Variants in WRNIP1 observed in about 807,000 individuals in gnomAD.
WRNIP1 encodes WRN helicase interacting protein 1.
In WRNIP1, 41 loss-of-function variants were observed where a neutral mutation model predicts 56.1. That is an observed-to-expected ratio of 0.73 (90% confidence interval 0.57 to 0.95). The LOEUF (loss-of-function observed/expected upper bound fraction) is 0.95. WRNIP1 is among the 40% of genes least tolerant of loss of function. The pLI, the probability that WRNIP1 is intolerant of heterozygous loss-of-function variation, is 0.00. For synonymous variants in WRNIP1, 547 were observed against 398.1 expected (o/e 1.37, Z -4.45); for missense variants, 1,170 against 939.4 (o/e 1.25, Z -3.21).
At chr6:2,784,952 C>G in intron 6 of WRNIP1, 55 bp from the exon 7 acceptor site, 1 of 1,597,972 alleles carries the variant, frequency 6.3e-7, no homozygotes, top group Non-Finnish European at 8.5e-7. Flanking sequence ...AGGGGCTCTG[C>G]AGAACAGAAG....
chr6:2,783,087 C>G (rs1352151161), intron 4 of WRNIP1, among the ~76,000 whole-genome samples: 1 of 148,308 alleles, frequency 6.7e-6, no homozygotes, highest in African/African-American at 2.5e-5. Flanking sequence ...TCGTCCCCCT[C>G]CACTCTTGTC....
rs909562416 is a variant in WRNIP1 at position 2,766,147 on chromosome 6, C to T, written c.525C>T (p.Asp175=). ...AGGCCGTGGGCGACGGCGATGGCGA[C>T]GGGGACGCGGACGCGGACGGCGAGG... ...EEEAVGDGDG[D]GDADADGEDD... Residue 175 remains aspartate, a synonymous_variant, in exon 1 of 7, where the codon GAC becomes GAT. Transcript: ENST00000380773. 2.3e-6 allele frequency: 3 copies of T among 1,327,054 alleles called. No individual in the cohort carries two copies. Among genetic ancestry groups the T allele is most frequent in the East Asian group, 3.1e-5 (1 of 32,432 alleles). 82.2% of individuals were successfully genotyped at this position (1,327,054 alleles called of 1,614,324 possible).
intron 3 of WRNIP1, among the ~76,000 whole-genome samples, chr6:2,776,859 C>T (rs774746572): frequency 2.6e-5 from 4 of 152,256 alleles, no homozygotes; most frequent in South Asian, 2.1e-4. Flanking sequence ...AAAATACTAA[C>T]GTCAAGGTAG....
Position 2,765,402 on chromosome 6 carries a change from G to A in WRNIP1, c.-221G>A. The A allele has an allele frequency of 2.4e-6, 1 of 419,558 alleles. No individual in the cohort carries two copies. The highest frequency in any genetic ancestry group is 3.8e-6 in the Non-Finnish European group (1 of 266,070). 26.0% of individuals were successfully genotyped at this position (419,558 alleles called of 1,614,324 possible). The stretch of plus-strand genomic sequence containing the variant: ...CAAACGGCCACGAACTACACTTCCC[G>A]ACACGCCGCGTGAGGCGCTGCCAGC... On this transcript the variant is annotated 5_prime_UTR_variant, in exon 1 of 7. Transcript: ENST00000380773.
chr6:2,779,531 A>G, intron 4 of WRNIP1, 39 bp downstream of exon 4: 8 of 1,580,840 alleles, frequency 5.1e-6, no homozygotes, highest in South Asian at 1.1e-5. Flanking sequence ...AACCATACGG[A>G]AAGAAGTGTG....
chr6:2,781,761 GTATC>G (rs1765566342), intron 4 of WRNIP1, among the ~76,000 whole-genome samples: 1 of 152,254 alleles, frequency 6.6e-6, no homozygotes, highest in Admixed American at 6.5e-5. Flanking sequence ...AATAATACTA[GTATC>G]TATCACTGAT....
At chr6:2,770,751 CTT>C (rs1477708699) in intron 3 of WRNIP1, among the ~76,000 whole-genome samples, 1 of 151,870 alleles carries the variant, frequency 6.6e-6, no homozygotes, top group African/African-American at 2.4e-5. Flanking sequence ...CCATACAACT[CTT>C]TTGAGCATTG....
rs371670331 is a variant in WRNIP1 at position 2,778,003 on chromosome 6, T to TA, written c.1257-1259dup. Among the ~76,000 whole-genome samples, 49 of 152,238 alleles carry TA rather than the reference T, an allele frequency of 3.2e-4. 1 individual carries two copies. The highest frequency in any genetic ancestry group is 1.1e-3 in the African/African-American group (45 of 41,526). On this transcript the variant is annotated intron_variant, in intron 3 of 6. Transcript: ENST00000380773. Reference sequence around the variant, plus strand: ...ATAACTGGAAATCAACTTTGGTAAATATGGGGGTGAGATGAGGCATCTTTA... The same window carrying TA: ...ATAACTGGAAATCAACTTTGGTAAATAATGGGGGTGAGATGAGGCATCTTTA...
chr6:2,782,733 A>G (rs767702194), intron 4 of WRNIP1, among the ~76,000 whole-genome samples: 9 of 152,114 alleles, frequency 5.9e-5, no homozygotes, highest in Non-Finnish European at 1.2e-4. Context: ...TTTAAAGCAC[A>G]TTTCACTGAT....
intron 3 of WRNIP1, among the ~76,000 whole-genome samples, chr6:2,772,085 T>C (rs1765302972): frequency 6.6e-6 from 1 of 152,216 alleles, no homozygotes; most frequent in Non-Finnish European, 1.5e-5. Flanking sequence ...GTCACTGCCG[T>C]GCAGGAATTT....
intron 3 of WRNIP1, among the ~76,000 whole-genome samples, chr6:2,770,657 A>G (rs565917706): frequency 2.0e-5 from 3 of 152,234 alleles, no homozygotes; most frequent in Non-Finnish European, 2.9e-5. Context: ...TTAGGCTTCT[A>G]TGGGAAGCCT....
intron 1 of WRNIP1, among the ~76,000 whole-genome samples, chr6:2,768,321 G>A (rs1474703777): frequency 6.6e-5 from 10 of 152,174 alleles, no homozygotes; most frequent in Non-Finnish European, 1.3e-4. Flanking sequence ...CTCGGCTAGA[G>A]GAGGGAGAAT....
chr6:2,766,236 G>A lies in WRNIP1; in HGVS notation c.614G>A (p.Gly205Glu), dbSNP rs770612661. ...GCCACCGCCTTCGGGGCCAGTGGCG[G>A]GGGCCGCCCGCACCCCCGGGCGCTG... ...EAATAFGASG[G>E]GRPHPRALAA... The change falls in exon 1 of 7, where the codon GGG becomes GAG. Residue 205 changes from glycine (G) to glutamate (E), a missense_variant. Transcript: ENST00000380773. The A allele has an allele frequency of 1.3e-5, 19 of 1,473,786 alleles. No homozygotes were observed. The South Asian group carries it at 2.2e-4, about 17-fold the overall frequency. 91.3% of individuals were successfully genotyped at this position (1,473,786 alleles called of 1,614,324 possible).
At chr6:2,770,896 TAAAGG>T (rs1038103513) in intron 3 of WRNIP1, among the ~76,000 whole-genome samples, 4 of 152,198 alleles carry the variant, frequency 2.6e-5, no homozygotes, top group Non-Finnish European at 5.9e-5. Flanking sequence ...TTCATGAAAG[TAAAGG>T]AATGTTAACT....
Position 2,784,419 on chromosome 6 carries a change from C to G in WRNIP1, c.1722+16C>G. On this transcript the variant is annotated intron_variant, in intron 6 of 6. Coordinates refer to ENST00000380773, the MANE Select transcript of WRNIP1 (RefSeq NM_020135.3). Reference sequence around the variant, plus strand: ...TGAATGTGAGGTAAAGTAATCAGCTCATTTCTTGCAAATCACTTCTTTTCT... The same window carrying G: ...TGAATGTGAGGTAAAGTAATCAGCTGATTTCTTGCAAATCACTTCTTTTCT... The G allele has an allele frequency of 6.2e-7, 1 of 1,612,704 alleles. No individual in the cohort carries two copies. The highest frequency in any genetic ancestry group is 2.2e-5 in the East Asian group (1 of 44,850).
At chr6:2,783,157 C>G (rs189496315) in intron 4 of WRNIP1, among the ~76,000 whole-genome samples, 5 of 152,174 alleles carry the variant, frequency 3.3e-5, no homozygotes, top group Non-Finnish European at 4.4e-5. Context: ...TGTGCGTGTG[C>G]GTGCACTCCA....
intron 2 of WRNIP1, among the ~76,000 whole-genome samples, chr6:2,769,589 C>G (rs1302800172): frequency 1.3e-5 from 2 of 151,870 alleles, no homozygotes; most frequent in East Asian, 1.9e-4. Flanking sequence ...AATAAAAAGA[C>G]CCTTTTAAAG....
rs1235725774 is a variant in WRNIP1 at position 2,785,471 on chromosome 6, A to G, written c.*189A>G. 5 of 641,176 alleles carry G rather than the reference A, an allele frequency of 7.8e-6. No individual in the cohort carries two copies. Among genetic ancestry groups the G allele is most frequent in the South Asian group, 4.0e-5 (2 of 49,748 alleles). The allele number at this position is 641,176 out of a possible 1,614,324, so 39.7% of individuals were successfully genotyped here. The stretch of plus-strand genomic sequence containing the variant: ...AATGTGTAACTTTGAAATTGTGTTC[A>G]TTTGCACTCGGTGCAGCGGTTATGC... On this transcript the variant is annotated 3_prime_UTR_variant, in exon 7 of 7. Coordinates refer to ENST00000380773, the MANE Select transcript of WRNIP1 (RefSeq NM_020135.3).
rs746493741 is a variant in WRNIP1, at chr6:2,766,149, GGGACGC to G, written c.539_544del (p.Ala180_Asp181del). The G allele has an allele frequency of 3.2e-3, 4,273 of 1,328,488 alleles. 15 individuals are homozygous for G. The highest frequency in any genetic ancestry group is 3.1e-3 in the Non-Finnish European group (3,277 of 1,046,234). 82.3% of individuals were successfully genotyped at this position (1,328,488 alleles called of 1,614,324 possible). A position where few individuals can be genotyped will look rare whatever the true frequency, so the allele number is the denominator to read the frequency against. On this transcript the variant is annotated inframe_deletion, in exon 1 of 7. Transcript: ENST00000380773. ...GCCGTGGGCGACGGCGATGGCGACG[GGGACGC>G]GGACGCGGACGGCGAGGACGACCCG...
Sources: allele counts gnomAD v4.1 joint callset (sites outside exome capture counted in the v4.1 genomes callset), GRCh38; gene constraint gnomAD v4.1.1; transcripts MANE v1.5; gene names NCBI Gene and HGNC (gene_info 2026-07-23, HGNC 2026-07-21).